Variants in SLC22A23 observed in about 807,000 individuals in gnomAD.
The protein encoded by SLC22A23 is ion transporter protein.
In SLC22A23, 26 loss-of-function variants were observed where a neutral mutation model predicts 61.0. That is an observed-to-expected ratio of 0.43 (90% CI 0.31 to 0.59). The LOEUF is 0.59. Among genes scored for constraint, SLC22A23 ranks in the 20% least tolerant of loss-of-function variants. The pLI, the probability that SLC22A23 is intolerant of heterozygous loss-of-function variation, is 0.11. For missense variants in SLC22A23, 796 were observed against 934.7 expected (o/e 0.85, Z 1.94); for synonymous variants, 430 against 413.9 (o/e 1.04, Z -0.47).
intron 4 of SLC22A23, among the ~76,000 whole-genome samples, chr6:3,305,615 A>G (rs1761920838): frequency 6.6e-6 from 1 of 152,204 alleles, no homozygotes; most frequent in South Asian, 2.1e-4. Context: ...ACATAACGTA[A>G]TAACGCCACA....
intron 4 of SLC22A23, among the ~76,000 whole-genome samples, chr6:3,310,362 TCCCACTCGAGCACCCTGTC>T (rs1346890412): frequency 2.8e-5 from 2 of 71,246 alleles, no homozygotes; most frequent in African/African-American, 1.1e-4. Flanking sequence ...GCACCCTGTC[TCCCACTCGAGCACCCTGTC>T]TCCCACTCGA....
intron 4 of SLC22A23, among the ~76,000 whole-genome samples, chr6:3,315,736 C>T (rs891272647): frequency 6.6e-6 from 1 of 151,988 alleles, no homozygotes; most frequent in Non-Finnish European, 1.5e-5. Context: ...TGGTGGTGGG[C>T]ACCTGTAGTC....
intron 3 of SLC22A23, among the ~76,000 whole-genome samples, chr6:3,385,680 C>T (rs1767254874): frequency 6.6e-6 from 1 of 152,324 alleles, no homozygotes; most frequent in South Asian, 2.1e-4. Context: ...TGTCTGAGTT[C>T]CCTTACAAGT....
chr6:3,303,633 G>A (rs916706036), intron 4 of SLC22A23, among the ~76,000 whole-genome samples: 1 of 152,112 alleles, frequency 6.6e-6, no homozygotes, highest in African/African-American at 2.4e-5. Flanking sequence ...CACTCATGTG[G>A]AAGCTCAAAA....
At chr6:3,294,501 T>C (rs1561874841) in intron 5 of SLC22A23, among the ~76,000 whole-genome samples, 2 of 152,156 alleles carry the variant, frequency 1.3e-5, no homozygotes, top group Non-Finnish European at 2.9e-5. Flanking sequence ...AAAACACTTC[T>C]GGTCCCGAGC....
intron 3 of SLC22A23, among the ~76,000 whole-genome samples, chr6:3,392,855 A>T (rs572724279): frequency 6.6e-6 from 1 of 152,234 alleles, no homozygotes; most frequent in South Asian, 2.1e-4. Flanking sequence ...AGGGTATACG[A>T]TTTTGGAACT....
intron 4 of SLC22A23, chr6:3,323,202 G>A: frequency 2.2e-6 from 1 of 455,856 alleles, no homozygotes; most frequent in Non-Finnish European, 4.4e-6. Flanking sequence ...TTGAGCAGGG[G>A]TGGGCAAGCT....
rs868801148 is a variant in SLC22A23, at chr6:3,447,733, T to C, written c.654+8173A>G. On this transcript the variant is annotated intron_variant, in intron 1 of 9. Transcript: ENST00000406686. ...CCTCCCAAGTAGCTGGGACTACAGG[T>C]GCCCGCCACCACACCTGGATAATTA... Among the ~76,000 whole-genome samples the C allele has an allele frequency of 1.9e-3, 267 of 144,100 alleles. No individual in the cohort carries two copies. The Middle Eastern group carries it at 0.043, about 23-fold the overall frequency. The allele number at this position is 144,100 out of a possible 152,430, so 94.5% of individuals were successfully genotyped here. A position where few individuals can be genotyped will look rare whatever the true frequency, so the allele number is the denominator to read the frequency against.
intron 9 of SLC22A23, among the ~76,000 whole-genome samples, chr6:3,279,054 CTG>C (rs1367950954): frequency 6.6e-6 from 1 of 152,150 alleles, no homozygotes; most frequent in African/African-American, 2.4e-5. Flanking sequence ...ATCTTGTTAA[CTG>C]TGCCAAATAA....
rs1343403500 is a variant in SLC22A23, at chr6:3,366,345, AAAAAAAAAAAAAG to A, written c.914-42356_914-42344del. Among the ~76,000 whole-genome samples, 298 of 147,610 alleles carry A rather than the reference AAAAAAAAAAAAAG, an allele frequency of 2.0e-3. 1 individual carries two copies. Among genetic ancestry groups the A allele is most frequent in the South Asian group, 6.7e-3 (30 of 4,446 alleles). On this transcript the variant is annotated intron_variant, in intron 3 of 9. Coordinates refer to ENST00000406686, the MANE Select transcript of SLC22A23 (RefSeq NM_015482.2). ...AAGACTCTGTCTCAAAAAAAAAAAA[AAAAAAAAAAAAAG>A]AAAGAAAGAAAGAAAGAGAAGGGTA... is the stretch of plus-strand genomic sequence containing the variant.
intron 9 of SLC22A23, among the ~76,000 whole-genome samples, chr6:3,281,399 G>T (rs919397648): frequency 5.3e-5 from 8 of 152,246 alleles, no homozygotes; most frequent in African/African-American, 1.9e-4. Context: ...TGGGGCAATA[G>T]ATTTCTGCAG....
At position 3,299,998 on chromosome 6, in the gene SLC22A23, CTTTTTTTTTTT is replaced by C. The variant is rs869114176; in HGVS notation, c.1083-1791_1083-1781del. On this transcript the variant is annotated intron_variant, in intron 4 of 9. Transcript: ENST00000406686. The stretch of plus-strand genomic sequence containing the variant: ...ACCTGCTTTGCAAGCTCAGGATAGA[CTTTTTTTTTTT>C]TTTTTTTTTTTTTTTTTTTGAGATG... Among the ~76,000 whole-genome samples, 7 of 78,804 alleles carry C rather than the reference CTTTTTTTTTTT, an allele frequency of 8.9e-5. No homozygotes were observed. In the East Asian group the frequency reaches 1.7e-3, roughly 19 times the overall value. The allele number at this position is 78,804 out of a possible 152,430, so 51.7% of individuals were successfully genotyped here.
chr6:3,302,363 A>C (rs1032403718), intron 4 of SLC22A23, among the ~76,000 whole-genome samples: 17 of 152,040 alleles, frequency 1.1e-4, no homozygotes, highest in African/African-American at 3.9e-4. Context: ...AATTTTTAAA[A>C]TCTTTTCAAA....
At chr6:3,371,161 A>T (rs1233042057) in intron 3 of SLC22A23, among the ~76,000 whole-genome samples, 2 of 152,240 alleles carry the variant, frequency 1.3e-5, no homozygotes, top group African/African-American at 2.4e-5. Context: ...AGTGTGGAAG[A>T]TAAGATAAAT....
At chr6:3,394,570 G>T (rs965992573) in intron 3 of SLC22A23, among the ~76,000 whole-genome samples, 3 of 152,198 alleles carry the variant, frequency 2.0e-5, no homozygotes, top group Non-Finnish European at 4.4e-5. Context: ...TTGTGAAACT[G>T]CACAAACTAT....
intron 3 of SLC22A23, among the ~76,000 whole-genome samples, chr6:3,353,840 A>G: frequency 6.6e-6 from 1 of 152,128 alleles, no homozygotes; most frequent in East Asian, 1.9e-4. Flanking sequence ...TTCTACCACC[A>G]GTGTTTCCCA....
At chr6:3,407,515 T>C (rs1265062267) in intron 3 of SLC22A23, among the ~76,000 whole-genome samples, 1 of 152,242 alleles carries the variant, frequency 6.6e-6, no homozygotes, top group Non-Finnish European at 1.5e-5. Context: ...TATTTCCTTT[T>C]ATTCTTCTCT....
intron 3 of SLC22A23, chr6:3,378,109 T>C: frequency 6.6e-6 from 1 of 152,352 alleles, no homozygotes; most frequent in Non-Finnish European, 1.5e-5. Context: ...CTAGGGCACT[T>C]ATGACTGATT....
At position 3,283,992 on chromosome 6, in the gene SLC22A23, A is replaced by C; in HGVS notation, c.1580-17T>G. 1 of 1,594,398 alleles carries C rather than the reference A, an allele frequency of 6.3e-7. No homozygotes were observed. The highest frequency in any genetic ancestry group is 1.1e-5 in the South Asian group (1 of 89,638). ...CACTCATCCCTGGGGGAAGGTCAGA[A>C]GAAGGTGGTGAGGGAAGAGAGGAAG... On this transcript the variant is annotated splice_polypyrimidine_tract_variant and intron_variant, in intron 8 of 9. Transcript: ENST00000406686.
Sources: allele counts gnomAD v4.1 joint callset (sites outside exome capture counted in the v4.1 genomes callset), GRCh38; gene constraint gnomAD v4.1.1; transcripts MANE v1.5; gene names NCBI Gene and HGNC (gene_info 2026-07-23, HGNC 2026-07-21).